Variants in CSMD1 observed in about 807,000 individuals in gnomAD.
CSMD1 encodes the protein CUB and sushi domain-containing protein 1.
In CSMD1, 213 loss-of-function variants were observed where a neutral mutation model predicts 417.5. The ratio of observed to expected loss-of-function variants is 0.51; its 90% CI spans 0.46 to 0.57. The LOEUF (loss-of-function observed/expected upper bound fraction) is 0.57. CSMD1 is among the 20% of genes least tolerant of loss of function. CSMD1 has a pLI of 0.00. For synonymous variants in CSMD1, 2,862 were observed against 1,736.8 expected, an observed-to-expected ratio of 1.65 and a Z score of -16.11; for missense variants, 6,923 against 4,529.7, an observed-to-expected ratio of 1.53 and a Z score of -15.17.
At chr8:3,483,926 C>T (rs904394689) in intron 11 of CSMD1, among the ~76,000 whole-genome samples, 2 of 152,114 alleles carry the variant, frequency 1.3e-5, no homozygotes, top group South Asian at 2.1e-4. Context: ...AAACATTTGA[C>T]GATTCACAGG....
chr8:4,513,308 T>C (rs544648692), intron 2 of CSMD1, among the ~76,000 whole-genome samples: 2 of 152,278 alleles, frequency 1.3e-5, no homozygotes, highest in South Asian at 4.2e-4. Context: ...CACCTAAAAC[T>C]ACTCTACAAA....
intron 3 of CSMD1, among the ~76,000 whole-genome samples, chr8:4,046,939 G>C (rs1050568268): frequency 6.6e-6 from 1 of 152,224 alleles, no homozygotes; most frequent in South Asian, 2.1e-4. Flanking sequence ...GGGAACTTGA[G>C]TCCTAACTCC....
intron 11 of CSMD1, among the ~76,000 whole-genome samples, chr8:3,492,790 G>A (rs748160543): frequency 1.4e-4 from 21 of 152,046 alleles, no homozygotes; most frequent in Non-Finnish European, 8.8e-5. Context: ...TAAGACTCTG[G>A]AATCAGAGTT....
chr8:2,997,004 C>T (rs973476669), intron 54 of CSMD1, among the ~76,000 whole-genome samples: 24 of 152,308 alleles, frequency 1.6e-4, no homozygotes, highest in Admixed American at 4.6e-4. Context: ...GCTTCTTAAG[C>T]TGGGGTGGTT....
chr8:3,426,514 T>C (rs1813851139), intron 12 of CSMD1, among the ~76,000 whole-genome samples: 1 of 152,200 alleles, frequency 6.6e-6, no homozygotes, highest in Admixed American at 6.5e-5. Flanking sequence ...TTGCCTCCTC[T>C]CCTCCTTCAA....
At position 4,584,303 on chromosome 8, in the gene CSMD1, G is replaced by T. The variant is rs568863768; in HGVS notation, c.302+53039C>A. 2.6e-5 allele frequency among the ~76,000 whole-genome samples: 4 copies of T among 152,032 alleles called. No individual in the cohort carries two copies. In the East Asian group the frequency reaches 7.8e-4, roughly 30 times the overall value. ...AGCAGTGAGACAATCGCCGAGTGGTGAGACCGTCGCCTATCGCCGAGTAGT... is the reference window on the plus strand; with the variant it reads ...AGCAGTGAGACAATCGCCGAGTGGTTAGACCGTCGCCTATCGCCGAGTAGT... On this transcript the variant is annotated intron_variant, in intron 2 of 69. Coordinates refer to ENST00000635120, the MANE Select transcript of CSMD1 (RefSeq NM_033225.6).
chr8:4,033,391 G>A (rs1359488174), intron 3 of CSMD1, among the ~76,000 whole-genome samples: 1 of 152,102 alleles, frequency 6.6e-6, no homozygotes, highest in Non-Finnish European at 1.5e-5. Flanking sequence ...GCGGTGAGCC[G>A]AGATCGCACC....
At chr8:4,703,758 C>A (rs915030381) in intron 1 of CSMD1, among the ~76,000 whole-genome samples, 1 of 152,046 alleles carries the variant, frequency 6.6e-6, no homozygotes, top group African/African-American at 2.4e-5. Flanking sequence ...ATCCAGAGTA[C>A]AGATACAGAA....
At chr8:3,957,381 TA>T (rs1388023242) in intron 5 of CSMD1, among the ~76,000 whole-genome samples, 18 of 152,218 alleles carry the variant, frequency 1.2e-4, no homozygotes, top group African/African-American at 4.3e-4. Context: ...GTGTTAAGCA[TA>T]AAAATATATG....
intron 7 of CSMD1, among the ~76,000 whole-genome samples, chr8:3,666,870 G>C (rs532582959): frequency 1.2e-4 from 18 of 152,202 alleles, no homozygotes; most frequent in African/African-American, 4.1e-4. Flanking sequence ...TCTCAGATAG[G>C]TCTTTATCAG....
At chr8:3,836,388 CA>C (rs1802703918) in intron 5 of CSMD1, among the ~76,000 whole-genome samples, 1 of 152,054 alleles carries the variant, frequency 6.6e-6, no homozygotes, top group Non-Finnish European at 1.5e-5. Context: ...GGTCTAAATA[CA>C]AAGATGTTTT....
At chr8:3,710,773 C>G (rs1298608683) in intron 6 of CSMD1, among the ~76,000 whole-genome samples, 1 of 152,120 alleles carries the variant, frequency 6.6e-6, no homozygotes, top group Admixed American at 6.5e-5. Context: ...ATTATGACAC[C>G]GCCAGCTCAT....
intron 2 of CSMD1, among the ~76,000 whole-genome samples, chr8:4,437,955 C>T (rs111655862): frequency 6.6e-6 from 1 of 152,108 alleles, no homozygotes. Flanking sequence ...AAGTGTTTTC[C>T]ATGTATTTTC....
At chr8:3,650,173 G>T (rs1361414732) in intron 7 of CSMD1, among the ~76,000 whole-genome samples, 1 of 152,062 alleles carries the variant, frequency 6.6e-6, no homozygotes, top group African/African-American at 2.4e-5. Context: ...CAGCTATTGG[G>T]GAGGCTGAGG....
At chr8:3,498,668 T>C (rs997767732) in intron 10 of CSMD1, among the ~76,000 whole-genome samples, 3 of 152,222 alleles carry the variant, frequency 2.0e-5, no homozygotes, top group Admixed American at 1.3e-4. Context: ...GTTCCACACA[T>C]TTTGTAGGCA....
chr8:4,807,085 T>G (rs554717632), intron 1 of CSMD1, among the ~76,000 whole-genome samples: 1 of 152,352 alleles, frequency 6.6e-6, no homozygotes, highest in East Asian at 1.9e-4. Context: ...TTATTCTTTT[T>G]AACCACAGAC....
intron 1 of CSMD1, among the ~76,000 whole-genome samples, chr8:4,978,335 G>C (rs578241231): frequency 5.5e-4 from 83 of 152,152 alleles, no homozygotes; most frequent in Middle Eastern, 3.4e-3. Flanking sequence ...TCTAATCTTG[G>C]AATCTAAAGC....
intron 1 of CSMD1, among the ~76,000 whole-genome samples, chr8:4,874,714 A>T (rs1333594188): frequency 6.6e-6 from 1 of 151,694 alleles, no homozygotes; most frequent in East Asian, 1.9e-4. Context: ...TTATTTTTGA[A>T]TTATATCTGA....
intron 1 of CSMD1, among the ~76,000 whole-genome samples, chr8:4,693,402 A>T (rs1304676548): frequency 6.6e-6 from 1 of 152,190 alleles, no homozygotes; most frequent in African/African-American, 2.4e-5. Flanking sequence ...GACTTCCTGG[A>T]GGTGTGTTCT....
Sources: allele counts gnomAD v4.1 joint callset (sites outside exome capture counted in the v4.1 genomes callset), GRCh38; gene constraint gnomAD v4.1.1; transcripts MANE v1.5; gene names NCBI Gene and HGNC (gene_info 2026-07-23, HGNC 2026-07-21).